The following SCRIB variants were observed in gnomAD, a reference collection of about 807,000 sequenced individuals.
SCRIB encodes the protein scribble planar cell polarity protein.
SCRIB carries 72 observed loss-of-function variants against 170.0 expected under a neutral mutation model. The ratio of observed to expected loss-of-function variants is 0.42; its 90% CI spans 0.35 to 0.52. The LOEUF is 0.52. Ranked by LOEUF, SCRIB falls within the 20% of genes least tolerant of loss-of-function variation. The pLI, the probability that SCRIB is intolerant of heterozygous loss-of-function variation, is 0.02. For synonymous variants in SCRIB, 1,298 were observed against 1,044.3 expected (o/e 1.24, Z -4.68); for missense variants, 2,475 against 2,338.5 (o/e 1.06, Z -1.20).
At chr8:143,807,092 C>A in intron 16 of SCRIB, 79 bp from the exon 17 acceptor site, 1 of 1,012,772 alleles carries the variant, frequency 9.9e-7, no homozygotes, top group South Asian at 1.4e-5. Context: ...CCCACCAGCA[C>A]GCAGATGCCA....
chr8:143,813,905 G>C lies in SCRIB; in HGVS notation c.278-9C>G. The C allele has an allele frequency of 6.2e-7, 1 of 1,606,782 alleles. No homozygotes were observed. Among genetic ancestry groups the C allele is most frequent in the Non-Finnish European group, 8.5e-7 (1 of 1,175,122 alleles). Reference sequence around the variant, plus strand: ...CGGGATCTCAGGGATATCTGTCACAGAGGGTCACAGTGGACAGATGCCATG... The same window carrying C: ...CGGGATCTCAGGGATATCTGTCACACAGGGTCACAGTGGACAGATGCCATG... On this transcript the variant is annotated splice_polypyrimidine_tract_variant and intron_variant, in intron 2 of 36. Coordinates refer to ENST00000356994, the MANE Select transcript of SCRIB (RefSeq NM_182706.5).
chr8:143,793,822 G>T, intron 28 of SCRIB, 78 bp downstream of exon 28: 2 of 1,426,552 alleles, frequency 1.4e-6, no homozygotes, highest in Non-Finnish European at 2.0e-6. Context: ...ATCCCTGGAG[G>T]AGGGGCCCTG....
intron 16 of SCRIB, among the ~76,000 whole-genome samples, 157 bp from the exon 17 acceptor site, chr8:143,807,170 G>A (rs901451764): frequency 6.6e-6 from 1 of 152,224 alleles, no homozygotes; most frequent in Non-Finnish European, 1.5e-5. Context: ...CAGCCCAGAC[G>A]CCAGCTGGAG....
Position 143,803,308 on chromosome 8 carries a change from C to T in SCRIB, c.3603+75G>A, listed in dbSNP as rs893889711. On this transcript the variant is annotated intron_variant, in intron 24 of 36. Transcript: ENST00000356994. ...GGCACAGGGGACCCGTCGCCTGCCC[C>T]GAGAGGTGTCAGCGGCTCACAACAC... The T allele has an allele frequency of 5.3e-5, 74 of 1,394,292 alleles. 1 individual carries two copies. In the Admixed American group the frequency reaches 6.2e-4, roughly 12 times the overall value. 86.4% of individuals were successfully genotyped at this position (1,394,292 alleles called of 1,614,324 possible). A position where few individuals can be genotyped will look rare whatever the true frequency, so the allele number is the denominator to read the frequency against.
chr8:143,812,710 C>T (rs1410192317), intron 8 of SCRIB, 107 bp downstream of exon 8: 9 of 1,435,434 alleles, frequency 6.3e-6, no homozygotes, highest in Middle Eastern at 2.5e-4. Flanking sequence ...CCTGGGCACA[C>T]TCAGGATCCT....
chr8:143,809,122 G>C (rs1266015799), intron 14 of SCRIB, 97 bp from the exon 15 acceptor site: 9 of 1,428,190 alleles, frequency 6.3e-6, no homozygotes, highest in Non-Finnish European at 8.3e-6. Context: ...GGCTCCGAAA[G>C]CCTCCCCGCC....
At chr8:143,793,416 GA>G in intron 28 of SCRIB, 1 of 282,676 alleles carries the variant, frequency 3.5e-6, no homozygotes. Flanking sequence ...CGGGGGTAGA[GA>G]GGGGGGTGGG....
chr8:143,802,293 C>A (rs1815206955), intron 24 of SCRIB, among the ~76,000 whole-genome samples: 2 of 152,250 alleles, frequency 1.3e-5, no homozygotes, highest in African/African-American at 2.4e-5. Context: ...CGCCAAGGGG[C>A]CCCCACGCTG....
At chr8:143,795,191 C>G in intron 26 of SCRIB, 79 bp from the exon 27 acceptor site, 1 of 1,595,520 alleles carries the variant, frequency 6.3e-7, no homozygotes, top group South Asian at 1.1e-5. Flanking sequence ...GAGAGGGGGT[C>G]CTGGGGGTTA....
At chr8:143,814,500 G>A (rs1307687759) in intron 1 of SCRIB, among the ~76,000 whole-genome samples, 3 of 152,048 alleles carry the variant, frequency 2.0e-5, no homozygotes, top group Admixed American at 6.6e-5. Context: ...GCCTGGCCTG[G>A]TTCTGCAGCA....
intron 27 of SCRIB, among the ~76,000 whole-genome samples, chr8:143,794,482 C>T (rs1291414582): frequency 1.3e-5 from 2 of 152,194 alleles, no homozygotes; most frequent in Non-Finnish European, 2.9e-5. Flanking sequence ...CAGGCCCTGC[C>T]TGGCCCCTCA....
At chr8:143,815,082 G>T in intron 1 of SCRIB, 132 bp downstream of exon 1, 1 of 1,057,692 alleles carries the variant, frequency 9.5e-7, no homozygotes, top group Non-Finnish European at 1.3e-6. Flanking sequence ...GCTGGCTGGG[G>T]TGGGGACCTG....
chr8:143,799,830 C>A (rs1554634674), intron 24 of SCRIB, among the ~76,000 whole-genome samples: 1 of 150,288 alleles, frequency 6.7e-6, no homozygotes, highest in East Asian at 1.9e-4. Context: ...TAGGCTCTGA[C>A]AGACAAACAC....
In SCRIB at chr8:143,805,238, C is replaced by T. The variant is rs782455272; in HGVS notation, c.2544G>A (p.Leu848=). The change falls in exon 19 of 37, where the codon CTG becomes CTA. Residue 848 remains leucine, a synonymous_variant. Transcript: ENST00000356994. ...GGGGCCCGGGGCTCTCAGGCGGGAG[C>T]AGGGGCAGGCGCAGCCCCCCTCCCC... ...ERRGGGLRLP[L]LPPESPGPLR... The T allele has an allele frequency of 2.0e-6, 3 of 1,538,146 alleles. No individual in the cohort carries two copies. The East Asian group carries it at 7.3e-5, about 37-fold the overall frequency.
chr8:143,794,933 C>T, intron 27 of SCRIB, 105 bp downstream of exon 27: 1 of 1,160,458 alleles, frequency 8.6e-7, no homozygotes, highest in Non-Finnish European at 1.2e-6. Flanking sequence ...CACCCCAGCC[C>T]CCGCCCAAAG....
At chr8:143,796,241 C>T (rs553076500) in intron 24 of SCRIB, among the ~76,000 whole-genome samples, 5 of 152,194 alleles carry the variant, frequency 3.3e-5, no homozygotes, top group South Asian at 4.2e-4. Flanking sequence ...TCCAAGCCTG[C>T]GGCGGGCAAC....
chr8:143,805,982 G>A (rs908106598), intron 18 of SCRIB, among the ~76,000 whole-genome samples: 2 of 152,140 alleles, frequency 1.3e-5, no homozygotes, highest in Non-Finnish European at 2.9e-5. Context: ...TGCCCCGGCT[G>A]AACAGCTAGG....
intron 16 of SCRIB, 69 bp downstream of exon 16, chr8:143,807,483 C>A: frequency 2.4e-6 from 3 of 1,256,290 alleles, no homozygotes; most frequent in Non-Finnish European, 3.5e-6. Flanking sequence ...CGGGGAGAGG[C>A]GTGAGCCCAC....
rs749529475 is a variant in SCRIB at position 143,813,692 on chromosome 8, C to CCAGGCTGCGCAGCTGAGT, written c.373_390dup (p.Thr125_Leu130dup). ...GACACATCATTCAGGGCCAGGTGAG[C>CCAGGCTGCGCAGCTGAGT]CAGGCTGCGCAGCTGAGTGAAGCCA... On this transcript the variant is annotated inframe_insertion, in exon 4 of 37. Coordinates refer to ENST00000356994, the MANE Select transcript of SCRIB (RefSeq NM_182706.5). 1 of 1,613,530 alleles carries CCAGGCTGCGCAGCTGAGT rather than the reference C, an allele frequency of 6.2e-7. No homozygotes were observed. Among genetic ancestry groups the CCAGGCTGCGCAGCTGAGT allele is most frequent in the Non-Finnish European group, 8.5e-7 (1 of 1,180,002 alleles).
Sources: gnomAD v4.1 joint callset for allele counts (sites outside exome capture counted in the v4.1 genomes callset) on GRCh38, gnomAD v4.1.1 for gene constraint, MANE v1.5 for transcripts, NCBI Gene and HGNC (gene_info 2026-07-23, HGNC 2026-07-21) for gene names.